The following ARHGAP20 variants were observed in gnomAD, a reference collection of about 807,000 sequenced individuals.
The protein encoded by ARHGAP20 is Rho GTPase activating protein 20, also known as rho GTPase-activating protein 20.
A neutral mutation model predicts 73.7 loss-of-function variants in ARHGAP20; 34 were observed. The ratio of observed to expected loss-of-function variants is 0.46; its 90% CI spans 0.35 to 0.61. The LOEUF is 0.61. Among genes scored for constraint, ARHGAP20 ranks in the 20% least tolerant of loss-of-function variants. ARHGAP20 has a pLI of 0.00. For missense variants in ARHGAP20, 1,314 were observed against 1,420.9 expected (o/e 0.92, Z 1.21); for synonymous variants, 523 against 518.2 (o/e 1.01, Z -0.13).
intron 2 of ARHGAP20, among the ~76,000 whole-genome samples, chr11:110,666,523 CACTT>C (rs1257502774): frequency 6.6e-6 from 1 of 152,146 alleles, no homozygotes; most frequent in African/African-American, 2.4e-5. Flanking sequence ...AGTAGACTAA[CACTT>C]ACATACCCAA....
rs140772092 is a variant in ARHGAP20, at chr11:110,650,707, A to G, written c.189-19915T>C. ...TACTTCATGCAATTTAGTTCATAGCAGCAGGGATTTTTTTCAAGTGATCAA... is the reference window on the plus strand; with the variant it reads ...TACTTCATGCAATTTAGTTCATAGCGGCAGGGATTTTTTTCAAGTGATCAA... On this transcript the variant is annotated intron_variant, in intron 2 of 14. Transcript: ENST00000683387. Among the ~76,000 whole-genome samples, 5 of 152,316 alleles carry G rather than the reference A, an allele frequency of 3.3e-5. No individual in the cohort carries two copies. The East Asian group carries it at 9.6e-4, about 29-fold the overall frequency.
intron 2 of ARHGAP20, among the ~76,000 whole-genome samples, chr11:110,672,151 G>A (rs1476584827): frequency 6.6e-6 from 1 of 151,942 alleles, no homozygotes; most frequent in African/African-American, 2.4e-5. Context: ...CAGCTTTATA[G>A]AAAAAAATTA....
rs148283761 is a variant in ARHGAP20 at position 110,588,087 on chromosome 11, C to G, written c.1306-1762G>C. Among the ~76,000 whole-genome samples the G allele has an allele frequency of 2.2e-3, 340 of 152,284 alleles. 2 individuals carry two copies. The highest frequency in any genetic ancestry group is 4.9e-3 in the Admixed American group (75 of 15,286). ...AGAAAAACATCATTAACATCTTAAA[C>G]CTACACTTGAAAGATAATAACTCGT... On this transcript the variant is annotated intron_variant, in intron 11 of 14. Coordinates refer to ENST00000683387, the MANE Select transcript of ARHGAP20 (RefSeq NM_001384657.1).
chr11:110,683,938 C>T (rs1950083640), intron 2 of ARHGAP20, among the ~76,000 whole-genome samples: 1 of 152,112 alleles, frequency 6.6e-6, no homozygotes, highest in Admixed American at 6.6e-5. Context: ...AGAATTAGCT[C>T]CCTTATAAAA....
chr11:110,686,707 G>A (rs1950139356), intron 2 of ARHGAP20, among the ~76,000 whole-genome samples: 1 of 151,960 alleles, frequency 6.6e-6, no homozygotes, highest in Admixed American at 6.6e-5. Flanking sequence ...CATGTTAAGT[G>A]TTCCTACAAT....
rs1029592068 is a variant in ARHGAP20 at position 110,592,160 on chromosome 11, G to A, written c.965-5C>T. The A allele has an allele frequency of 1.2e-6, 2 of 1,606,102 alleles. No homozygotes were observed. The highest frequency in any genetic ancestry group is 1.7e-5 in the Admixed American group (1 of 59,548). On this transcript the variant is annotated splice_region_variant and splice_polypyrimidine_tract_variant and intron_variant, in intron 9 of 14. Transcript: ENST00000683387. ...TAAATGTCTTATGACCTGAATCTAA[G>A]GAAGAAGTGAGCTTATTAGAAAAAT...
intron 1 of ARHGAP20, among the ~76,000 whole-genome samples, chr11:110,708,406 C>G (rs1190535379): frequency 6.6e-6 from 1 of 151,932 alleles, no homozygotes; most frequent in Non-Finnish European, 1.5e-5. Context: ...TTTACTCCCC[C>G]AAAATGAAGT....
At chr11:110,704,581 A>G (rs1036999001) in intron 1 of ARHGAP20, among the ~76,000 whole-genome samples, 1 of 152,168 alleles carries the variant, frequency 6.6e-6, no homozygotes, top group Admixed American at 6.5e-5. Flanking sequence ...ACTGGGCTAT[A>G]TTGCCTACAA....
At position 110,639,287 on chromosome 11, in the gene ARHGAP20, T is replaced by A. The variant is rs182929892; in HGVS notation, c.189-8495A>T. 8.9e-4 allele frequency among the ~76,000 whole-genome samples: 134 copies of A among 151,296 alleles called. 1 individual carries two copies. Among genetic ancestry groups the A allele is most frequent in the Admixed American group, 8.6e-3 (130 of 15,160 alleles). The stretch of plus-strand genomic sequence containing the variant: ...AAAACATTTGATTTTGAATGTCCAG[T>A]TAGCCACATTCCCTCTCTGTTACTT... On this transcript the variant is annotated intron_variant, in intron 2 of 14. Transcript: ENST00000683387.
Position 110,578,443 on chromosome 11 carries a change from GT to G in ARHGAP20, c.*926del. ...GACTGTGCAGAAACATTTCAGCAAAGTGATGCCATGGTTTGATCACATTTTA... is the reference window on the plus strand; with the variant it reads ...GACTGTGCAGAAACATTTCAGCAAAGGATGCCATGGTTTGATCACATTTTA... On this transcript the variant is annotated 3_prime_UTR_variant, in exon 15 of 15. Coordinates refer to ENST00000683387, the MANE Select transcript of ARHGAP20 (RefSeq NM_001384657.1). 1 of 985,450 alleles carries G rather than the reference GT, an allele frequency of 1.0e-6. No individual in the cohort carries two copies. Among genetic ancestry groups the G allele is most frequent in the Non-Finnish European group, 1.2e-6 (1 of 829,942 alleles). 61.0% of individuals were successfully genotyped at this position (985,450 alleles called of 1,614,324 possible).
chr11:110,664,921 T>C (rs947872457), intron 2 of ARHGAP20, among the ~76,000 whole-genome samples: 6 of 152,104 alleles, frequency 3.9e-5, no homozygotes, highest in Non-Finnish European at 8.8e-5. Flanking sequence ...GAGTCAATAT[T>C]GTTAAGATAT....
At chr11:110,621,093 A>AG (rs1257665617) in intron 4 of ARHGAP20, among the ~76,000 whole-genome samples, 1 of 150,946 alleles carries the variant, frequency 6.6e-6, no homozygotes, top group African/African-American at 2.4e-5. Flanking sequence ...AAAAAAAAAA[A>AG]AAAAGCTCCA....
At chr11:110,701,304 T>C (rs1950447099) in intron 1 of ARHGAP20, among the ~76,000 whole-genome samples, 1 of 150,044 alleles carries the variant, frequency 6.7e-6, no homozygotes, top group African/African-American at 2.4e-5. Flanking sequence ...GGTATCTCAT[T>C]GTGGTTTTGA....
At chr11:110,653,339 T>C (rs956206722) in intron 2 of ARHGAP20, among the ~76,000 whole-genome samples, 11 of 152,154 alleles carry the variant, frequency 7.2e-5, no homozygotes, top group Admixed American at 2.0e-4. Flanking sequence ...AAAGGTCTAA[T>C]ATCCAGAATC....
At position 110,606,575 on chromosome 11, in the gene ARHGAP20, G is replaced by A; in HGVS notation, c.950C>T (p.Ala317Val). The A allele has an allele frequency of 6.2e-7, 1 of 1,610,092 alleles. No individual in the cohort carries two copies. The highest frequency in any genetic ancestry group is 8.5e-7 in the Non-Finnish European group (1 of 1,178,706). The change falls in exon 9 of 15, where the codon GCC becomes GTC. Residue 317 changes from alanine to valine, a missense_variant. Physicochemically the swap from Ala to Val is moderately conservative, Grantham distance 64 (BLOSUM62 0). Coordinates refer to ENST00000683387, the MANE Select transcript of ARHGAP20 (RefSeq NM_001384657.1). ...AAGCAACTCACCACTCAGTTGCTGGGCTGCAGCCAGGCGGCTGGGCTTCAG... is the reference window on the plus strand; with the variant it reads ...AAGCAACTCACCACTCAGTTGCTGGACTGCAGCCAGGCGGCTGGGCTTCAG... ...FILKPSRLAAAQQLSDSGHKT... is the reference protein window; with the variant it reads ...FILKPSRLAAVQQLSDSGHKT...
chr11:110,588,629 CT>C (rs1289878720), intron 11 of ARHGAP20, among the ~76,000 whole-genome samples: 1 of 151,996 alleles, frequency 6.6e-6, no homozygotes, highest in Non-Finnish European at 1.5e-5. Flanking sequence ...CATTTTTTGC[CT>C]TTTGGTTATT....
chr11:110,710,848 G>C (rs1950635858), intron 1 of ARHGAP20, among the ~76,000 whole-genome samples: 1 of 152,188 alleles, frequency 6.6e-6, no homozygotes, highest in South Asian at 2.1e-4. Context: ...TTTATGAAAG[G>C]CAGTAAAATC....
Position 110,645,016 on chromosome 11 carries a change from T to TC in ARHGAP20, c.189-14225_189-14224insG, listed in dbSNP as rs71057017. The stretch of plus-strand genomic sequence containing the variant: ...AGACACTTCTCTCTCTCTCTCTCTC[T>TC]TTTATTTTTTTGAGACACAGTCTCA... On this transcript the variant is annotated intron_variant, in intron 2 of 14. Coordinates refer to ENST00000683387, the MANE Select transcript of ARHGAP20 (RefSeq NM_001384657.1). 8.6e-5 allele frequency among the ~76,000 whole-genome samples: 13 copies of TC among 151,680 alleles called. 1 individual carries two copies. In the South Asian group the frequency reaches 1.3e-3, roughly 15 times the overall value.
At chr11:110,630,452 T>C (rs1331861205) in intron 3 of ARHGAP20, among the ~76,000 whole-genome samples, 176 bp downstream of exon 3, 3 of 151,058 alleles carry the variant, frequency 2.0e-5, no homozygotes, top group Non-Finnish European at 4.4e-5. Context: ...AATAAACACT[T>C]GTTGAAAAAA....
Sources: gnomAD v4.1 joint callset for allele counts (sites outside exome capture counted in the v4.1 genomes callset) on GRCh38, gnomAD v4.1.1 for gene constraint, MANE v1.5 for transcripts, NCBI Gene and HGNC (gene_info 2026-07-23, HGNC 2026-07-21) for gene names.